The following PI3 variants were observed in gnomAD, a reference collection of about 807,000 sequenced individuals.
The protein encoded by PI3 is elafin.
In PI3, 4 loss-of-function variants were observed where a neutral mutation model predicts 6.0. That is an observed-to-expected ratio of 0.67 (90% CI 0.33 to 1.54). The LOEUF (loss-of-function observed/expected upper bound fraction) is 1.54, where lower values mean the gene tolerates loss of function less well. Ranked by LOEUF, PI3 falls within the 40% of genes most tolerant of loss-of-function variation. The probability of loss-of-function intolerance (pLI) is 0.06; values close to 1 mark genes in which losing one functional copy is unlikely to be tolerated. For synonymous variants in PI3, 58 were observed against 56.9 expected, an observed-to-expected ratio of 1.02 and a Z score of -0.09; for missense variants, 149 against 147.6, an observed-to-expected ratio of 1.01 and a Z score of -0.05.
At chr20:45,176,220 G>T in intron 2 of PI3, 84 bp downstream of exon 2, 1 of 1,306,342 alleles carries the variant, frequency 7.7e-7, no homozygotes, top group Non-Finnish European at 1.1e-6. Context: ...GTTGGTGGGA[G>T]GGAGGTTGTG....
rs376527497 is a variant in PI3 at position 45,175,906 on chromosome 20, A to G, written c.125A>G (p.Asn42Ser). 1.4e-5 allele frequency: 23 copies of G among 1,614,014 alleles called. No homozygotes were observed. Among genetic ancestry groups the G allele is most frequent in the Non-Finnish European group, 1.7e-5 (20 of 1,179,978 alleles). The change falls in exon 2 of 3, where the codon AAT becomes AGT. Residue 42 changes from asparagine to serine, a missense_variant. Asn to Ser is a conservative substitution (Grantham distance 46). Transcript: ENST00000243924. ...ACTGTCAAAGGCCGTGTTCCATTCAATGGACAAGATCCCGTTAAAGGACAA... is the reference window on the plus strand; with the variant it reads ...ACTGTCAAAGGCCGTGTTCCATTCAGTGGACAAGATCCCGTTAAAGGACAA... The part of the protein sequence containing the change: ...QDTVKGRVPF[N>S]GQDPVKGQVS...
intron 1 of PI3, 48 bp downstream of exon 1, chr20:45,175,049 CCTCTGGGACA>C: frequency 6.8e-7 from 1 of 1,471,160 alleles, no homozygotes; most frequent in Non-Finnish European, 9.4e-7. Context: ...AAGGGGAGAC[CCTCTGGGACA>C]CCCTGGGCCA....
In PI3 at chr20:45,174,985, G is replaced by T. The variant is rs756380012; in HGVS notation, c.63G>T (p.Glu21Asp). Residue 21 changes from glutamate to aspartate, a missense_variant, in exon 1 of 3, where the codon GAG becomes GAT. Physicochemically the swap from Glu to Asp is conservative, Grantham distance 45 (BLOSUM62 2). Transcript: ENST00000243924. ...TCATCGCTGGGACGCTGGTTCTAGA[G>T]GCAGCTGTCACGGGAGGTGAGTGAA... ...VFLIAGTLVL[E>D]AAVTGVPVKG... is the part of the protein sequence containing the mutation. The T allele has an allele frequency of 2.5e-6, 4 of 1,612,726 alleles. No individual in the cohort carries two copies. The highest frequency in any genetic ancestry group is 3.4e-6 in the Non-Finnish European group (4 of 1,179,100).
Sources: allele counts gnomAD v4.1 joint callset, GRCh38; gene constraint gnomAD v4.1.1; transcripts MANE v1.5; gene names NCBI Gene and HGNC (gene_info 2026-07-23, HGNC 2026-07-21).